The following KLF8 variants were observed in gnomAD, a reference collection of about 807,000 sequenced individuals.
KLF8 encodes the protein KLF transcription factor 8.
KLF8 carries 10 observed loss-of-function variants against 18.2 expected under a neutral mutation model. That is an observed-to-expected ratio of 0.55 (90% confidence interval 0.34 to 0.93). The LOEUF (loss-of-function observed/expected upper bound fraction) is 0.93. Ranked by LOEUF, KLF8 falls within the 40% of genes least tolerant of loss-of-function variation. The pLI is 0.02. For synonymous variants in KLF8, 109 were observed against 97.3 expected, an observed-to-expected ratio of 1.12 and a Z score of -0.71; for missense variants, 264 against 277.9, an observed-to-expected ratio of 0.95 and a Z score of 0.36.
the KLF8 span, among the ~76,000 whole-genome samples, chrX:55,945,738 C>T: frequency 9.0e-6 from 1 of 111,000 alleles, no homozygotes; most frequent in East Asian, 2.8e-4. Context: ...ATCTAGAAAA[C>T]CCCATTGTCT....
the KLF8 span, among the ~76,000 whole-genome samples, chrX:56,143,627 T>A: frequency 8.9e-6 from 1 of 111,782 alleles, no homozygotes; most frequent in African/African-American, 3.2e-5. Flanking sequence ...CTTAATTCCA[T>A]TACCAAGTTT....
the KLF8 span, among the ~76,000 whole-genome samples, chrX:56,126,137 C>T: frequency 9.0e-6 from 1 of 111,672 alleles, no homozygotes; most frequent in African/African-American, 3.3e-5. Context: ...CAAAGCATGA[C>T]TCAGCGTTAC....
At chrX:56,016,544 A>G in the KLF8 span, among the ~76,000 whole-genome samples, 4 of 112,033 alleles carry the variant, frequency 3.6e-5, no homozygotes, top group Non-Finnish European at 7.5e-5. Flanking sequence ...TAGACAATAT[A>G]ATCATGCACT....
chrX:56,255,490 G>A (rs1321593202), intron 2 of KLF8, among the ~76,000 whole-genome samples: 1 of 112,364 alleles, frequency 8.9e-6, no homozygotes, highest in Non-Finnish European at 1.9e-5. Context: ...ACATGTGCCA[G>A]GTCTTAGAGG....
At chrX:56,026,228 T>C in the KLF8 span, among the ~76,000 whole-genome samples, 2 of 111,692 alleles carry the variant, frequency 1.8e-5, no homozygotes, top group Non-Finnish European at 3.8e-5. Flanking sequence ...CTTTCCATCA[T>C]GGCCGCAGAG....
Position 56,289,604 on chromosome X carries a change from G to C in KLF8, c.*5110G>C, listed in dbSNP as rs1012409349. 1.8e-5 allele frequency among the ~76,000 whole-genome samples: 2 copies of C among 111,431 alleles called. No individual in the cohort carries two copies. The highest frequency in any genetic ancestry group is 3.8e-5 in the Non-Finnish European group (2 of 53,088). ...TTTCAACTCTAACCTGTTACCACGTGAATCATTCTAGCTTCTTCCTGTTAG... is the reference window on the plus strand; with the variant it reads ...TTTCAACTCTAACCTGTTACCACGTCAATCATTCTAGCTTCTTCCTGTTAG... On this transcript the variant is annotated 3_prime_UTR_variant, in exon 6 of 6. Coordinates refer to ENST00000468660, the MANE Select transcript of KLF8 (RefSeq NM_007250.5).
the KLF8 span, among the ~76,000 whole-genome samples, chrX:56,026,843 C>T: frequency 1.8e-5 from 2 of 112,390 alleles, 1 homozygote; most frequent in South Asian, 7.5e-4. Flanking sequence ...CCAGTAAATA[C>T]TTCTTACCTC....
the KLF8 span, among the ~76,000 whole-genome samples, chrX:56,188,776 T>G: frequency 8.9e-6 from 1 of 111,995 alleles, no homozygotes; most frequent in Non-Finnish European, 1.9e-5. Context: ...GGGAAAGAAT[T>G]CCGTATTTAA....
the KLF8 span, among the ~76,000 whole-genome samples, chrX:55,975,570 C>A: frequency 1.8e-5 from 2 of 111,613 alleles, no homozygotes; most frequent in Non-Finnish European, 3.8e-5. Flanking sequence ...TTTATGAACA[C>A]TGAAATTTGA....
At chrX:56,070,183 T>C in the KLF8 span, among the ~76,000 whole-genome samples, 1 of 110,162 alleles carries the variant, frequency 9.1e-6, no homozygotes, top group Non-Finnish European at 1.9e-5. Flanking sequence ...TTCTCACTCA[T>C]TAGTGGGAGT....
the KLF8 span, among the ~76,000 whole-genome samples, chrX:56,015,440 T>G: frequency 8.9e-6 from 1 of 112,361 alleles, no homozygotes; most frequent in Non-Finnish European, 1.9e-5. Context: ...TAATGTGAAT[T>G]TCCTTGGTAA....
the KLF8 span, chrX:55,908,797 G>A: frequency 3.8e-6 from 1 of 262,852 alleles, no homozygotes; most frequent in Non-Finnish European, 6.7e-6. Flanking sequence ...CGCAGAATCC[G>A]AAAGTAAGTT....
chrX:56,143,832 G>T, the KLF8 span, among the ~76,000 whole-genome samples: 2 of 112,039 alleles, frequency 1.8e-5, no homozygotes, highest in African/African-American at 6.5e-5. Context: ...TAAGTTCAGT[G>T]CCTGATATAT....
At chrX:56,060,189 C>A in the KLF8 span, among the ~76,000 whole-genome samples, 1 of 111,447 alleles carries the variant, frequency 9.0e-6, no homozygotes, top group South Asian at 3.8e-4. Flanking sequence ...TTTTCTCTTG[C>A]CTGATTGCCC....
chrX:56,268,553 A>G, intron 3 of KLF8: 1 of 185,640 alleles, frequency 5.4e-6, no homozygotes, highest in Non-Finnish European at 8.4e-6. Context: ...AATGTATACA[A>G]AATTGTAGGA....
the KLF8 span, among the ~76,000 whole-genome samples, chrX:55,964,756 A>G: frequency 8.9e-6 from 1 of 111,859 alleles, no homozygotes; most frequent in Non-Finnish European, 1.9e-5. Context: ...CATAAAAACT[A>G]CCAGAGACTA....
At chrX:55,988,829 C>T in the KLF8 span, among the ~76,000 whole-genome samples, 7 of 111,833 alleles carry the variant, frequency 6.3e-5, no homozygotes, top group Non-Finnish European at 1.3e-4. Flanking sequence ...TCTCCCTACG[C>T]ATGAGCATGG....
chrX:56,166,572 C>T, the KLF8 span, among the ~76,000 whole-genome samples: 1,038 of 112,174 alleles, frequency 9.3e-3, 38 homozygotes, highest in Admixed American at 0.079. Flanking sequence ...GGAATTTGTG[C>T]TATAAATCCT....
the KLF8 span, among the ~76,000 whole-genome samples, chrX:55,933,079 T>G: frequency 8.9e-6 from 1 of 111,886 alleles, no homozygotes; most frequent in Non-Finnish European, 1.9e-5. Context: ...GCTTTGTACA[T>G]TTTTACATCT....
Sources: allele counts gnomAD v4.1 joint callset (sites outside exome capture counted in the v4.1 genomes callset), GRCh38; gene constraint gnomAD v4.1.1; transcripts MANE v1.5; gene names NCBI Gene and HGNC (gene_info 2026-07-23, HGNC 2026-07-21).